Variants in GANC observed in about 807,000 individuals in gnomAD.
The protein encoded by GANC is glucosidase alpha, neutral C, also known as neutral alpha-glucosidase C.
A neutral mutation model predicts 124.2 loss-of-function variants in GANC; 117 were observed. The ratio of observed to expected loss-of-function variants is 0.94; its 90% CI spans 0.81 to 1.10. The LOEUF is 1.10. Among genes scored for constraint, GANC ranks in the 50% least tolerant of loss-of-function variants. The pLI is 0.00. For missense variants in GANC, 1,140 were observed against 1,095.0 expected, an observed-to-expected ratio of 1.04 and a Z score of -0.58; for synonymous variants, 377 against 376.8, an observed-to-expected ratio of 1.00 and a Z score of -0.01.
chr15:42,280,928 G>A, intron 3 of GANC: 1 of 702,248 alleles, frequency 1.4e-6, no homozygotes, highest in African/African-American at 1.7e-5. Context: ...TCAGGTGCCA[G>A]GACCAGAGCC....
chr15:42,321,239 G>A (rs1336678244), intron 10 of GANC, among the ~76,000 whole-genome samples: 1 of 152,130 alleles, frequency 6.6e-6, no homozygotes, highest in Non-Finnish European at 1.5e-5. Flanking sequence ...CTTCTCATAA[G>A]ACAAGATTCA....
Position 42,326,368 on chromosome 15 carries a change from A to C in GANC, c.1364A>C (p.Gln455Pro). Residue 455 changes from glutamine to proline, a missense_variant, in exon 12 of 24, where the codon CAG (glutamine) becomes CCG (proline). Gln to Pro is a moderately conservative substitution (Grantham distance 76). Transcript: ENST00000318010. ...DYSVYVKAKD[Q>P]GFFVKNQEGE... The stretch of plus-strand genomic sequence containing the variant: ...TCAGTATATGTGAAGGCCAAAGATC[A>C]GGGCTTCTTTGTGAAGAATCAGGAA... 12 of 1,614,164 alleles carry C rather than the reference A, an allele frequency of 7.4e-6. No individual in the cohort carries two copies. The highest frequency in any genetic ancestry group is 1.0e-5 in the Non-Finnish European group (12 of 1,179,996).
intron 4 of GANC, among the ~76,000 whole-genome samples, chr15:42,291,863 A>G (rs4924650): frequency 0.91 from 138,420 of 152,154 alleles, 64,324 homozygotes; most frequent in Non-Finnish European, 1. Flanking sequence ...TCTGGGTTCA[A>G]TGGATAGTGA....
chr15:42,302,678 A>G (rs2051957760), intron 6 of GANC, among the ~76,000 whole-genome samples: 1 of 152,178 alleles, frequency 6.6e-6, no homozygotes, highest in South Asian at 2.1e-4. Context: ...ATGGAGCTGA[A>G]AAACACAGCA....
At chr15:42,328,869 A>G (rs1261091383) in intron 13 of GANC, among the ~76,000 whole-genome samples, 5 of 152,210 alleles carry the variant, frequency 3.3e-5, no homozygotes, top group South Asian at 2.1e-4. Context: ...AAGTCTTTCA[A>G]AGTATTAGAG....
intron 6 of GANC, among the ~76,000 whole-genome samples, chr15:42,297,976 T>A: frequency 6.6e-6 from 1 of 152,116 alleles, no homozygotes; most frequent in Admixed American, 6.5e-5. Flanking sequence ...TTAGAATCTA[T>A]TGGGAAAGAC....
chr15:42,346,232 C>G (rs1239274568), intron 20 of GANC, among the ~76,000 whole-genome samples: 2 of 152,162 alleles, frequency 1.3e-5, no homozygotes, highest in Non-Finnish European at 2.9e-5. Context: ...GGGGGACATA[C>G]AAACATTCAG....
intron 6 of GANC, 126 bp downstream of exon 6, chr15:42,297,782 G>A: frequency 1.8e-6 from 1 of 554,736 alleles, no homozygotes; most frequent in Non-Finnish European, 3.1e-6. Flanking sequence ...CATATAAATA[G>A]GACCACTTGT....
Position 42,353,224 on chromosome 15 carries a change from GACTCCTCAGC to G in GANC, c.*1098_*1107del, listed in dbSNP as rs1232076882. ...CCACAGCATCTGTTTTAGCAGCCTC[GACTCCTCAGC>G]ACTCCTCAGCACACACCTCTTCTTA... On this transcript the variant is annotated 3_prime_UTR_variant, in exon 24 of 24. Transcript: ENST00000318010. 4.1e-6 allele frequency: 4 copies of G among 985,794 alleles called. No individual in the cohort carries two copies. Among genetic ancestry groups the G allele is most frequent in the Non-Finnish European group, 4.8e-6 (4 of 830,036 alleles). The allele number at this position is 985,794 out of a possible 1,614,324, so 61.1% of individuals were successfully genotyped here. A position where few individuals can be genotyped will look rare whatever the true frequency, so the allele number is the denominator to read the frequency against.
intron 21 of GANC, 78 bp from the exon 22 acceptor site, chr15:42,349,305 T>C: frequency 1.1e-6 from 1 of 902,836 alleles, no homozygotes; most frequent in Non-Finnish European, 1.8e-6. Flanking sequence ...TACTCTGTTG[T>C]TACCCTTTAG....
intron 15 of GANC, among the ~76,000 whole-genome samples, chr15:42,337,241 C>A (rs796654274): frequency 6.6e-6 from 1 of 152,148 alleles, no homozygotes; most frequent in South Asian, 2.1e-4. Flanking sequence ...ACTTAAATGC[C>A]TATCAGTGGT....
intron 5 of GANC, among the ~76,000 whole-genome samples, chr15:42,295,119 C>T (rs1056184164): frequency 3.3e-5 from 5 of 151,710 alleles, no homozygotes; most frequent in Non-Finnish European, 7.4e-5. Flanking sequence ...CTACAGCGCC[C>T]ACCACCATGC....
chr15:42,310,306 A>G lies in GANC; in HGVS notation c.746A>G (p.Tyr249Cys). The G allele has an allele frequency of 6.2e-7, 1 of 1,607,288 alleles. No homozygotes were observed. Among genetic ancestry groups the G allele is most frequent in the South Asian group, 1.1e-5 (1 of 90,076 alleles). ...NTGDGDAYRL[Y>C]NLDVYGYQIY... ...AGTGATGGAGATGCTTACCGTCTTT[A>G]TAACCTGGATGTCTATGGATACCAA... Residue 249 changes from tyrosine (Y) to cysteine (C), a missense_variant, in exon 9 of 24, where the codon TAT (tyrosine) becomes TGT (cysteine). Tyr to Cys is a radical substitution (Grantham distance 194). Transcript: ENST00000318010.
intron 5 of GANC, among the ~76,000 whole-genome samples, chr15:42,296,301 C>T (rs1186498193): frequency 2.0e-5 from 3 of 152,138 alleles, no homozygotes; most frequent in Non-Finnish European, 4.4e-5. Context: ...TTGGTGTTAG[C>T]ATAGTATATC....
rs1417065130 is a variant in GANC at position 42,273,445 on chromosome 15, G to T, written c.-1037G>T. 3.1e-6 allele frequency: 5 copies of T among 1,609,124 alleles called. No individual in the cohort carries two copies. In the Admixed American group the frequency reaches 6.7e-5, roughly 21 times the overall value. On this transcript the variant is annotated 5_prime_UTR_variant, in exon 1 of 24. Transcript: ENST00000318010. Reference sequence around the variant, plus strand: ...ACCGAAAGCATTTCACCCTCTTCCGGTTCGTCCCGCCTTCTTCCGGCTCTG... The same window carrying T: ...ACCGAAAGCATTTCACCCTCTTCCGTTTCGTCCCGCCTTCTTCCGGCTCTG...
chr15:42,323,195 A>G (rs1284861769), intron 11 of GANC, among the ~76,000 whole-genome samples: 1 of 152,240 alleles, frequency 6.6e-6, no homozygotes, highest in African/African-American at 2.4e-5. Flanking sequence ...CACAGTGAAT[A>G]AATAGCATGG....
At chr15:42,288,817 C>A (rs1254003404) in intron 4 of GANC, among the ~76,000 whole-genome samples, 1 of 152,182 alleles carries the variant, frequency 6.6e-6, no homozygotes, top group Non-Finnish European at 1.5e-5. Context: ...AGCCACCATG[C>A]CTGCCCTAAA....
chr15:42,325,133 C>T (rs1277035670), intron 11 of GANC, among the ~76,000 whole-genome samples: 1 of 151,558 alleles, frequency 6.6e-6, no homozygotes, highest in Admixed American at 6.6e-5. Flanking sequence ...ATTAGTCCAG[C>T]ATGGTGGCGG....
chr15:42,287,577 A>G (rs1319884933), intron 3 of GANC, 114 bp from the exon 4 acceptor site: 3 of 1,108,638 alleles, frequency 2.7e-6, no homozygotes, highest in East Asian at 2.7e-5. Flanking sequence ...TTGTTCTCCA[A>G]TTTGCTTGGC....
Sources: gnomAD v4.1 joint callset for allele counts (sites outside exome capture counted in the v4.1 genomes callset) on GRCh38, gnomAD v4.1.1 for gene constraint, MANE v1.5 for transcripts, NCBI Gene and HGNC (gene_info 2026-07-23, HGNC 2026-07-21) for gene names.